The following IL1RAPL1 variants were observed in gnomAD, a reference collection of about 807,000 sequenced individuals.
The protein encoded by IL1RAPL1 is interleukin-1 receptor accessory protein-like 1.
IL1RAPL1 carries 3 observed loss-of-function variants against 48.4 expected under a neutral mutation model. That is an observed-to-expected ratio of 0.06 (90% CI 0.03 to 0.16). The LOEUF (loss-of-function observed/expected upper bound fraction) is 0.16. IL1RAPL1 is among the 10% of genes least tolerant of loss of function. The pLI is 1.00. For synonymous variants in IL1RAPL1, 185 were observed against 187.7 expected (o/e 0.99, Z 0.12); for missense variants, 349 against 530.6 (o/e 0.66, Z 3.36).
At chrX:29,719,433 A>T (rs1489167444) in intron 6 of IL1RAPL1, among the ~76,000 whole-genome samples, 3 of 111,496 alleles carry the variant, frequency 2.7e-5, no homozygotes. Context: ...TCAATTACCC[A>T]ATCCTTACCC....
intron 2 of IL1RAPL1, among the ~76,000 whole-genome samples, chrX:28,807,438 C>T (rs1936745320): frequency 1.8e-5 from 2 of 111,766 alleles, no homozygotes; most frequent in South Asian, 7.3e-4. Flanking sequence ...TGAGTGATTA[C>T]GTTGTTGACA....
chrX:29,177,768 G>A (rs768679330), intron 2 of IL1RAPL1, among the ~76,000 whole-genome samples: 7 of 110,407 alleles, frequency 6.3e-5, no homozygotes, highest in East Asian at 5.8e-4. Flanking sequence ...TGACAGGCCC[G>A]GTGTGTGATG....
chrX:29,543,843 A>G (rs1321171279), intron 5 of IL1RAPL1, among the ~76,000 whole-genome samples: 21 of 110,948 alleles, frequency 1.9e-4, no homozygotes, highest in Non-Finnish European at 9.4e-5. Flanking sequence ...GGAGTAGACA[A>G]TGTAAGAAAT....
At chrX:29,819,307 T>G (rs1175984781) in intron 6 of IL1RAPL1, among the ~76,000 whole-genome samples, 1 of 111,717 alleles carries the variant, frequency 9.0e-6, no homozygotes, top group Non-Finnish European at 1.9e-5. Context: ...TTTAAAAATA[T>G]AACTTTTGAC....
intron 3 of IL1RAPL1, among the ~76,000 whole-genome samples, chrX:29,332,653 ATTTTTTT>A (rs1166480434): frequency 1.5e-5 from 1 of 65,635 alleles, no homozygotes; most frequent in African/African-American, 4.7e-5. Flanking sequence ...TATTTATTTT[ATTTTTTT>A]TTTTTTATTG....
chrX:28,992,742 A>G (rs1330848602), intron 2 of IL1RAPL1, among the ~76,000 whole-genome samples: 1 of 111,768 alleles, frequency 8.9e-6, no homozygotes, highest in Non-Finnish European at 1.9e-5. Flanking sequence ...GCATGAAAAT[A>G]TAGACAATAA....
intron 6 of IL1RAPL1, among the ~76,000 whole-genome samples, chrX:29,908,378 ATATAT>A (rs1932686959): frequency 1.9e-5 from 1 of 53,421 alleles, no homozygotes; most frequent in Non-Finnish European, 3.2e-5. Flanking sequence ...TTTCAAAAAT[ATATAT>A]ATATATATAT....
intron 2 of IL1RAPL1, among the ~76,000 whole-genome samples, chrX:29,237,294 A>G (rs1931328543): frequency 8.9e-6 from 1 of 111,994 alleles, no homozygotes; most frequent in African/African-American, 3.2e-5. Flanking sequence ...AAGTTTGTAG[A>G]TACTCTAGGC....
chrX:29,221,728 A>G lies in IL1RAPL1; in HGVS notation c.83-61210A>G, dbSNP rs748913182. 1.3e-3 allele frequency among the ~76,000 whole-genome samples: 147 copies of G among 109,638 alleles called. 1 individual carries two copies. Among genetic ancestry groups the G allele is most frequent in the Middle Eastern group, 4.7e-3 (1 of 211 alleles). ...ACAAGATGCTTTATAAAACCTTCAC[A>G]TGGGCCAGGCGCAGTGGCTCACGCC... On this transcript the variant is annotated intron_variant, in intron 2 of 10. Coordinates refer to ENST00000378993, the MANE Select transcript of IL1RAPL1 (RefSeq NM_014271.4).
At chrX:29,303,425 T>C (rs1932568652) in intron 3 of IL1RAPL1, among the ~76,000 whole-genome samples, 1 of 112,165 alleles carries the variant, frequency 8.9e-6, no homozygotes, top group Middle Eastern at 4.6e-3. Flanking sequence ...GGTTTTAGTA[T>C]AAATATGAAA....
intron 5 of IL1RAPL1, among the ~76,000 whole-genome samples, chrX:29,588,517 G>T (rs1044186452): frequency 1.8e-5 from 2 of 112,170 alleles, no homozygotes; most frequent in Non-Finnish European, 3.8e-5. Context: ...TCATTACCTT[G>T]TCATCATCAG....
At chrX:29,009,997 A>G (rs1183150744) in intron 2 of IL1RAPL1, among the ~76,000 whole-genome samples, 1 of 111,511 alleles carries the variant, frequency 9.0e-6, no homozygotes, top group Non-Finnish European at 1.9e-5. Context: ...ATTCTTAGGT[A>G]TTTTTATTTA....
chrX:29,442,363 G>T (rs926639520), intron 5 of IL1RAPL1, among the ~76,000 whole-genome samples: 5 of 109,896 alleles, frequency 4.5e-5, no homozygotes, highest in African/African-American at 1.7e-4. Flanking sequence ...AAGAGTGGGA[G>T]GGGGGTGAGG....
At chrX:29,229,775 A>T (rs974545897) in intron 2 of IL1RAPL1, among the ~76,000 whole-genome samples, 1 of 112,251 alleles carries the variant, frequency 8.9e-6, no homozygotes, top group African/African-American at 3.2e-5. Flanking sequence ...TCAAATATAT[A>T]TTTTTTAATT....
intron 8 of IL1RAPL1, among the ~76,000 whole-genome samples, chrX:29,927,285 T>G (rs1224101657): frequency 8.9e-6 from 1 of 112,141 alleles, no homozygotes; most frequent in Non-Finnish European, 1.9e-5. Flanking sequence ...TAGCCTCTAA[T>G]AGGTAAAGAG....
In IL1RAPL1 at chrX:29,845,853, C is replaced by T. The variant is rs191870632; in HGVS notation, c.779-71611C>T. On this transcript the variant is annotated intron_variant, in intron 6 of 10. Coordinates refer to ENST00000378993, the MANE Select transcript of IL1RAPL1 (RefSeq NM_014271.4). ...TGCAGAAAGGCAAAAGGTGAGCAGGCGCGTAACTTGGCAGAAACAGCAGCA... is the reference window on the plus strand; with the variant it reads ...TGCAGAAAGGCAAAAGGTGAGCAGGTGCGTAACTTGGCAGAAACAGCAGCA... 1.5e-3 allele frequency among the ~76,000 whole-genome samples: 162 copies of T among 110,902 alleles called. 1 individual carries two copies. Among genetic ancestry groups the T allele is most frequent in the African/African-American group, 4.8e-3 (145 of 30,470 alleles).
intron 5 of IL1RAPL1, among the ~76,000 whole-genome samples, chrX:29,606,488 A>T (rs1312343175): frequency 1.8e-5 from 2 of 112,178 alleles, no homozygotes; most frequent in African/African-American, 6.5e-5. Flanking sequence ...CCCCCAAAAT[A>T]TTCTACTGGT....
At chrX:28,982,034 G>A (rs898363157) in intron 2 of IL1RAPL1, among the ~76,000 whole-genome samples, 1 of 111,449 alleles carries the variant, frequency 9.0e-6, no homozygotes, top group Admixed American at 9.5e-5. Flanking sequence ...AAGAACTGAG[G>A]GATAAAGCAG....
At chrX:29,205,097 T>C (rs943972760) in intron 2 of IL1RAPL1, among the ~76,000 whole-genome samples, 3 of 111,434 alleles carry the variant, frequency 2.7e-5, no homozygotes, top group African/African-American at 6.5e-5. Flanking sequence ...AAGTCTCTTA[T>C]TATGGGGGGT....
Sources: allele counts gnomAD v4.1 joint callset (sites outside exome capture counted in the v4.1 genomes callset), GRCh38; gene constraint gnomAD v4.1.1; transcripts MANE v1.5; gene names NCBI Gene and HGNC (gene_info 2026-07-23, HGNC 2026-07-21).